KIAA1549L: variants seen among roughly 807,000 people sequenced by gnomAD.
KIAA1549L encodes the protein UPF0606 protein KIAA1549L.
In KIAA1549L, 88 loss-of-function variants were observed where a neutral mutation model predicts 160.7. The observed-to-expected ratio is 0.55, with a 90% CI of 0.46 to 0.65. The LOEUF is 0.65. KIAA1549L is among the 30% of genes least tolerant of loss of function. The pLI is 0.00. For synonymous variants in KIAA1549L, 950 were observed against 976.7 expected (o/e 0.97, Z 0.51); for missense variants, 2,258 against 2,437.5 (o/e 0.93, Z 1.55).
At chr11:33,425,204 G>A (rs895613696) in intron 1 of KIAA1549L, among the ~76,000 whole-genome samples, 2 of 152,122 alleles carry the variant, frequency 1.3e-5, no homozygotes, top group Admixed American at 6.5e-5. Flanking sequence ...TTGTATATAC[G>A]TTAGTATCTA....
chr11:33,464,865 T>A (rs1054696645), intron 1 of KIAA1549L, among the ~76,000 whole-genome samples: 3 of 151,620 alleles, frequency 2.0e-5, no homozygotes, highest in Non-Finnish European at 4.4e-5. Context: ...TCCATTCAGA[T>A]TTTTTTTAGC....
At chr11:33,435,759 G>GAGAGAGATATATATAT (rs1429879805) in intron 1 of KIAA1549L, among the ~76,000 whole-genome samples, 2 of 14,994 alleles carry the variant, frequency 1.3e-4, no homozygotes, top group Non-Finnish European at 2.3e-4. Context: ...GAACCAATAA[G>GAGAGAGATATATATAT]ATATATATAT....
chr11:33,657,252 G>C (rs541131982), intron 18 of KIAA1549L, among the ~76,000 whole-genome samples: 3 of 152,102 alleles, frequency 2.0e-5, no homozygotes, highest in Non-Finnish European at 2.9e-5. Context: ...GGTTACTCCT[G>C]AGAGTCCTGG....
chr11:33,487,347 G>C (rs537856258), intron 1 of KIAA1549L, among the ~76,000 whole-genome samples: 1 of 151,982 alleles, frequency 6.6e-6, no homozygotes, highest in Non-Finnish European at 1.5e-5. Context: ...CCCACTAGGT[G>C]GGGGGCAGGT....
intron 1 of KIAA1549L, among the ~76,000 whole-genome samples, chr11:33,428,463 A>G (rs1380135770): frequency 1.2e-4 from 15 of 125,562 alleles, no homozygotes; most frequent in Non-Finnish European, 2.5e-4. Context: ...CCCCCCGCCC[A>G]CGACAGGACC....
chr11:33,576,524 C>G, intron 10 of KIAA1549L, among the ~76,000 whole-genome samples: 1 of 152,122 alleles, frequency 6.6e-6, no homozygotes, highest in Non-Finnish European at 1.5e-5. Flanking sequence ...GTTTTCTGTT[C>G]TCAGCTCTTT....
At chr11:33,486,748 TA>T (rs373264993) in intron 1 of KIAA1549L, among the ~76,000 whole-genome samples, 25 of 150,188 alleles carry the variant, frequency 1.7e-4, no homozygotes, top group East Asian at 3.9e-4. Flanking sequence ...CTTTCCAGAT[TA>T]AAAAAAAAAT....
At chr11:33,413,177 A>G (rs1850817532) in intron 1 of KIAA1549L, among the ~76,000 whole-genome samples, 1 of 152,178 alleles carries the variant, frequency 6.6e-6, no homozygotes. Flanking sequence ...CTCATTTTCT[A>G]AAGTTTGAGA....
chr11:33,479,659 A>G (rs1034427949), intron 1 of KIAA1549L, among the ~76,000 whole-genome samples: 2 of 152,202 alleles, frequency 1.3e-5, no homozygotes, highest in African/African-American at 2.4e-5. Flanking sequence ...AAAGAGACAG[A>G]GCTTGTGATT....
chr11:33,441,946 T>C (rs1851516126), intron 1 of KIAA1549L, among the ~76,000 whole-genome samples: 1 of 152,234 alleles, frequency 6.6e-6, no homozygotes, highest in Admixed American at 6.5e-5. Flanking sequence ...TTGTCAATTT[T>C]GGCTTTTGTT....
intron 1 of KIAA1549L, among the ~76,000 whole-genome samples, chr11:33,463,533 G>A (rs1476611444): frequency 1.3e-5 from 2 of 152,132 alleles, no homozygotes; most frequent in Non-Finnish European, 2.9e-5. Context: ...TTGTACCAAG[G>A]AAAAATAAAT....
intron 1 of KIAA1549L, chr11:33,403,256 CACAG>C (rs1419574401): frequency 1.2e-5 from 1 of 80,960 alleles, no homozygotes; most frequent in Non-Finnish European, 2.5e-5. Context: ...CAGACACACA[CACAG>C]ACACAGACAC....
intron 1 of KIAA1549L, among the ~76,000 whole-genome samples, chr11:33,397,207 G>T (rs190946270): frequency 7.2e-6 from 1 of 138,468 alleles, no homozygotes; most frequent in Non-Finnish European, 1.6e-5. Context: ...GGTGGCAGGC[G>T]CCTGTAGTCC....
At chr11:33,527,051 AAG>A (rs1490877933) in intron 1 of KIAA1549L, among the ~76,000 whole-genome samples, 3 of 152,214 alleles carry the variant, frequency 2.0e-5, no homozygotes, top group African/African-American at 7.2e-5. Context: ...AAGTAGAAGA[AAG>A]AACTTCAGAG....
At chr11:33,600,786 G>A (rs537971561) in intron 13 of KIAA1549L, among the ~76,000 whole-genome samples, 23 of 152,236 alleles carry the variant, frequency 1.5e-4, no homozygotes, top group East Asian at 5.8e-4. Context: ...GAATCAGTGC[G>A]CATATTGTTC....
chr11:33,421,836 A>C (rs1314538824), intron 1 of KIAA1549L, among the ~76,000 whole-genome samples: 1 of 152,162 alleles, frequency 6.6e-6, no homozygotes, highest in Non-Finnish European at 1.5e-5. Context: ...AGGCATCACA[A>C]TTACTGGAGG....
intron 14 of KIAA1549L, 89 bp downstream of exon 14, chr11:33,606,911 AG>A: frequency 1.7e-6 from 2 of 1,148,586 alleles, no homozygotes; most frequent in Non-Finnish European, 2.5e-6. Flanking sequence ...TACTGGGTGC[AG>A]ATTGCACCTA....
Position 33,545,101 on chromosome 11 carries a change from G to T in KIAA1549L, c.3108G>T (p.Leu1036Phe), listed in dbSNP as rs779573604. ...ACATGGACACTGCCTCTGGCCTGTT[G>T]TCTACAACTTACCTCCCCAGGAAAC... ...QGNMDTASGL[L>F]STTYLPRKPQ... The change falls in exon 3 of 21, where the codon TTG becomes TTT. Residue 1036 changes from leucine (L) to phenylalanine (F), a missense_variant. Leu to Phe is a conservative substitution (Grantham distance 22). Around this residue, in one of 6 missense-constraint regions of KIAA1549L, gnomAD observed 1,359 missense variants for 1,546.6 expected, o/e 0.88. Transcript: ENST00000658780. 6.2e-7 allele frequency: 1 copy of T among 1,613,994 alleles called. No individual in the cohort carries two copies.
chr11:33,382,929 CAG>C (rs1017682304), intron 1 of KIAA1549L, among the ~76,000 whole-genome samples: 2 of 149,990 alleles, frequency 1.3e-5, no homozygotes, highest in African/African-American at 4.9e-5. Context: ...AAGCAAGAGA[CAG>C]AGAAAATAAA....
Sources: gnomAD v4.1 joint callset for allele counts (sites outside exome capture counted in the v4.1 genomes callset) on GRCh38, gnomAD v4.1.1 for gene constraint, gnomAD v4.1.1 regional missense constraint, MANE v1.5 for transcripts, NCBI Gene and HGNC (gene_info 2026-07-23, HGNC 2026-07-21) for gene names.